WNT2B: variants seen among roughly 807,000 people sequenced by gnomAD.
WNT2B encodes the protein protein Wnt-2b.
In WNT2B, 19 loss-of-function variants were observed where a neutral mutation model predicts 40.5. The observed-to-expected ratio is 0.47, with a 90% CI of 0.33 to 0.69. The LOEUF (loss-of-function observed/expected upper bound fraction) is 0.69. Among genes scored for constraint, WNT2B ranks in the 30% least tolerant of loss-of-function variants. WNT2B has a pLI of 0.02. For missense variants in WNT2B, 467 were observed against 556.4 expected, an observed-to-expected ratio of 0.84 and a Z score of 1.62; for synonymous variants, 220 against 211.9, an observed-to-expected ratio of 1.04 and a Z score of -0.33.
chr1:112,513,985 G>T (rs917777350), intron 1 of WNT2B, among the ~76,000 whole-genome samples: 15 of 152,198 alleles, frequency 9.9e-5, no homozygotes, highest in African/African-American at 3.6e-4. Context: ...GGGATCCAGG[G>T]TTAAAACTGA....
chr1:112,508,964 C>G (rs1219567150), upstream of WNT2B: 1 of 1,244,370 alleles, frequency 8.0e-7, no homozygotes, highest in Non-Finnish European at 1.0e-6. The surrounding 1 kb of genome is among the most constrained non-coding windows in gnomAD (Gnocchi z 4.2). Flanking sequence ...AGGGGCTGTC[C>G]GCACACTAGG....
chr1:112,500,706 G>C (rs1651920926), intron 1 of WNT2B, among the ~76,000 whole-genome samples: 1 of 152,124 alleles, frequency 6.6e-6, no homozygotes, highest in South Asian at 2.1e-4. Flanking sequence ...CAGGAGTTCA[G>C]GGCAAGCCAT....
chr1:112,526,008 G>A lies in WNT2B; in HGVS notation c.*5499G>A, dbSNP rs761432612. 11 of 1,614,098 alleles carry A rather than the reference G, an allele frequency of 6.8e-6. No homozygotes were observed. Among genetic ancestry groups the A allele is most frequent in the African/African-American group, 2.7e-5 (2 of 75,034 alleles). ...TTGTCCAAGGTCACATGAACAGTGC[G>A]TGGCTCAGCCAGAACTCAAACCTAG... On this transcript the variant is annotated 3_prime_UTR_variant, in exon 5 of 5. Coordinates refer to ENST00000369684, the MANE Select transcript of WNT2B (RefSeq NM_024494.3).
chr1:112,518,902 C>T (rs998697196), intron 4 of WNT2B, among the ~76,000 whole-genome samples: 2 of 152,134 alleles, frequency 1.3e-5, no homozygotes, highest in African/African-American at 4.8e-5. Context: ...CTCTGTTGTC[C>T]AATACAGTAG....
chr1:112,480,707 A>C (rs1181372118), intron 1 of WNT2B, among the ~76,000 whole-genome samples: 2 of 152,206 alleles, frequency 1.3e-5, no homozygotes, highest in Non-Finnish European at 2.9e-5. Flanking sequence ...ATAGAAGAAA[A>C]GGGAACACTT....
At chr1:112,473,139 G>GAAAAAGGAAGGAAGGA (rs142287480) in intron 1 of WNT2B, among the ~76,000 whole-genome samples, 121,122 of 140,414 alleles carry the variant, frequency 0.86, 52,194 homozygotes, top group East Asian at 0.99. Context: ...GAGAAAGAAA[G>GAAAAAGGAAGGAAGGA]AAGAAGGAAG....
In WNT2B at chr1:112,472,559, GAA is replaced by G. The variant is rs35939097; in HGVS notation, c.-95+4982_-95+4983del. Among the ~76,000 whole-genome samples, 678 of 89,114 alleles carry G rather than the reference GAA, an allele frequency of 7.6e-3. 3 individuals are homozygous for G. Among genetic ancestry groups the G allele is most frequent in the African/African-American group, 0.024 (638 of 26,692 alleles). 58.5% of individuals were successfully genotyped at this position (89,114 alleles called of 152,430 possible). Reference sequence around the variant, plus strand: ...CTGTTCCCACCAACCCCCAACCAATGAAAAAAAAAAAAAAAGACTCAAAAGGA... The same window carrying G: ...CTGTTCCCACCAACCCCCAACCAATGAAAAAAAAAAAAAGACTCAAAAGGA... On this transcript the variant is annotated intron_variant, in intron 1 of 4. Coordinates refer to the WNT2B transcript ENST00000256640.
At chr1:112,506,758 C>T (rs1274728474), upstream of WNT2B, among the ~76,000 whole-genome samples, 1 of 152,198 alleles carries the variant, frequency 6.6e-6, no homozygotes, top group Non-Finnish European at 1.5e-5. Flanking sequence ...TGGAGCCCAC[C>T]CGACAAAAAG....
chr1:112,507,970 C>T (rs1570787432), upstream of WNT2B, among the ~76,000 whole-genome samples: 1 of 152,144 alleles, frequency 6.6e-6, no homozygotes. Context: ...AGAGGAGAGT[C>T]TCTTTCGGCA....
rs1652818736 is a variant in WNT2B at position 112,520,573 on chromosome 1, G to A, written c.*64G>A. 7 of 1,527,054 alleles carry A rather than the reference G, an allele frequency of 4.6e-6. No homozygotes were observed. The South Asian group carries it at 8.1e-5, about 18-fold the overall frequency. The allele number at this position is 1,527,054 out of a possible 1,614,324, so 94.6% of individuals were successfully genotyped here. A position where few individuals can be genotyped will look rare whatever the true frequency, so the allele number is the denominator to read the frequency against. On this transcript the variant is annotated 3_prime_UTR_variant, in exon 5 of 5. Coordinates refer to ENST00000369684, the MANE Select transcript of WNT2B (RefSeq NM_024494.3). ...CTCAACTCAAAAGCACAAGATCCTT[G>A]CATGCACACCTTCCTCCACCCTCCA...
chr1:112,510,129 C>T (rs567236819), intron 1 of WNT2B, among the ~76,000 whole-genome samples: 5 of 152,236 alleles, frequency 3.3e-5, no homozygotes, highest in African/African-American at 1.2e-4. Context: ...CTGCGGAGTC[C>T]CAAGATACTA....
intron 1 of WNT2B, among the ~76,000 whole-genome samples, chr1:112,479,007 G>A (rs1423943964): frequency 2.6e-5 from 4 of 151,910 alleles, no homozygotes; most frequent in African/African-American, 4.8e-5. Flanking sequence ...GATCCCCTCA[G>A]GTCAGGAGTT....
chr1:112,508,933 C>T, upstream of WNT2B: 1 of 1,159,100 alleles, frequency 8.6e-7, no homozygotes, highest in Non-Finnish European at 1.1e-6. This position sits in a 1 kb window ranked among gnomAD's most constrained non-coding sequence, Gnocchi z 4.2. Flanking sequence ...CCCGTCCCGT[C>T]CAATGAGAGC....
At chr1:112,490,916 C>G (rs1651582197) in intron 1 of WNT2B, 7 of 1,296,602 alleles carry the variant, frequency 5.4e-6, no homozygotes, top group South Asian at 2.5e-5. Context: ...CCCAATAGCT[C>G]TACCCTAAAT....
At chr1:112,494,595 G>C (rs1355154625) in intron 1 of WNT2B, among the ~76,000 whole-genome samples, 2 of 151,362 alleles carry the variant, frequency 1.3e-5, no homozygotes, top group Non-Finnish European at 2.9e-5. Context: ...GCCCAGGCTG[G>C]AGTAAAATAT....
chr1:112,487,040 T>G (rs1651438572), intron 1 of WNT2B, among the ~76,000 whole-genome samples: 1 of 152,194 alleles, frequency 6.6e-6, no homozygotes, highest in Non-Finnish European at 1.5e-5. Flanking sequence ...CAGTTTTACA[T>G]GTCAAAGCCA....
At position 112,519,872 on chromosome 1, in the gene WNT2B, CTT is replaced by C. The variant is rs71081244; in HGVS notation, c.947-389_947-388del. Among the ~76,000 whole-genome samples the C allele has an allele frequency of 4.2e-3, 483 of 115,612 alleles. 1 individual carries two copies. The highest frequency in any genetic ancestry group is 0.012 in the African/African-American group (375 of 31,554). The allele number at this position is 115,612 out of a possible 152,430, so 75.8% of individuals were successfully genotyped here. On this transcript the variant is annotated intron_variant, in intron 4 of 4. Transcript: ENST00000369684. Reference sequence around the variant, plus strand: ...CAAGATGATGTCAGAGCCCATGCTTCTTTTTTTTTTTTTTTTTTTTGGAGACA... The same window carrying C: ...CAAGATGATGTCAGAGCCCATGCTTCTTTTTTTTTTTTTTTTTTGGAGACA...
At chr1:112,503,094 A>G (rs1652008332) in intron 1 of WNT2B, among the ~76,000 whole-genome samples, 1 of 152,154 alleles carries the variant, frequency 6.6e-6, no homozygotes, top group African/African-American at 2.4e-5. Flanking sequence ...ACATGGCCCC[A>G]GAAAGGGACC....
chr1:112,469,065 C>A (rs1429975196), intron 1 of WNT2B, among the ~76,000 whole-genome samples: 4 of 152,186 alleles, frequency 2.6e-5, no homozygotes, highest in African/African-American at 9.7e-5. Flanking sequence ...AGAGGGTGTT[C>A]TTTCCCCATT....
Sources: gnomAD v4.1 joint callset for allele counts (sites outside exome capture counted in the v4.1 genomes callset) on GRCh38, gnomAD v4.1.1 for gene constraint, Gnocchi (gnomAD v3.1) non-coding constraint, MANE v1.5 for transcripts, NCBI Gene and HGNC (gene_info 2026-07-23, HGNC 2026-07-21) for gene names.